The following VANGL2 variants were observed in gnomAD, a reference collection of about 807,000 sequenced individuals.
VANGL2 encodes the protein VANGL planar cell polarity protein 2.
In VANGL2, 14 loss-of-function variants were observed where a neutral mutation model predicts 50.2. That is an observed-to-expected ratio of 0.28 (90% CI 0.18 to 0.44). The LOEUF (loss-of-function observed/expected upper bound fraction) is 0.44. Among genes scored for constraint, VANGL2 ranks in the 20% least tolerant of loss-of-function variants. The pLI, the probability that VANGL2 is intolerant of heterozygous loss-of-function variation, is 1.00. For missense variants in VANGL2, 533 were observed against 701.5 expected, an observed-to-expected ratio of 0.76 and a Z score of 2.71; for synonymous variants, 295 against 297.2, an observed-to-expected ratio of 0.99 and a Z score of 0.08.
At chr1:160,403,072 A>G (rs1650533599) in intron 1 of VANGL2, among the ~76,000 whole-genome samples, 1 of 152,086 alleles carries the variant, frequency 6.6e-6, no homozygotes, top group African/African-American at 2.4e-5. Context: ...CCTGGAGATA[A>G]GAGTAGTAGG....
Position 160,419,117 on chromosome 1 carries a change from G to T in VANGL2, c.308G>T (p.Cys103Phe), listed in dbSNP as rs757320101. Residue 103 changes from cysteine (C) to phenylalanine (F), a missense_variant, in exon 4 of 8, where the codon TGC becomes TTC. Cys to Phe is a radical substitution (Grantham distance 205). Coordinates refer to ENST00000368061, the MANE Select transcript of VANGL2 (RefSeq NM_020335.3). The surrounding 1 kb of genome is among the most constrained non-coding windows in gnomAD (Gnocchi z 5.8). Reference protein sequence around the residue: ...KDMEDSVPLDCSRHLGVAAGA... With the variant: ...KDMEDSVPLDFSRHLGVAAGA... ...ATGGAGGACAGTGTCCCTCTGGACTGCTCCCGTCACCTGGGTGTGGCAGCG... is the reference window on the plus strand; with the variant it reads ...ATGGAGGACAGTGTCCCTCTGGACTTCTCCCGTCACCTGGGTGTGGCAGCG... 3.2e-5 allele frequency: 52 copies of T among 1,614,096 alleles called. No homozygotes were observed. Among genetic ancestry groups the T allele is most frequent in the Non-Finnish European group, 4.0e-5 (47 of 1,180,042 alleles).
At position 160,425,436 on chromosome 1, in the gene VANGL2, G is replaced by GC; in HGVS notation, c.*59dup. On this transcript the variant is annotated 3_prime_UTR_variant, in exon 8 of 8. Coordinates refer to ENST00000368061, the MANE Select transcript of VANGL2 (RefSeq NM_020335.3). ...GGGGGTCCTGAGGGGGTGGGAGGGG[G>GC]CTTGGTTCTCAGGCCCAGCCACATT... The GC allele has an allele frequency of 9.8e-7, 1 of 1,019,260 alleles. No homozygotes were observed. The highest frequency in any genetic ancestry group is 1.4e-6 in the Non-Finnish European group (1 of 731,014). The allele number at this position is 1,019,260 out of a possible 1,614,324, so 63.1% of individuals were successfully genotyped here.
rs1368808665 is a variant in VANGL2 at position 160,421,136 on chromosome 1, A to T, written c.1022A>T (p.Tyr341Phe). 6.2e-7 allele frequency: 1 copy of T among 1,613,964 alleles called. No homozygotes were observed. The highest frequency in any genetic ancestry group is 8.5e-7 in the Non-Finnish European group (1 of 1,180,036). Residue 341 changes from tyrosine (Y) to phenylalanine (F), a missense_variant, in exon 6 of 8, where the codon TAC (tyrosine) becomes TTC (phenylalanine). By Grantham distance (22) the Tyr-to-Phe change is conservative. Transcript: ENST00000368061. ...ARRRDNSHNE[Y>F]YYEEAEHERR... ...AGGCGGGACAACAGTCACAATGAGT[A>T]CTACTATGAGGAGGCTGAGCATGAG...
chr1:160,424,995 T>C (rs1651401148), intron 7 of VANGL2, 123 bp from the exon 8 acceptor site: 2 of 1,352,796 alleles, frequency 1.5e-6, no homozygotes, highest in Non-Finnish European at 2.1e-6. Context: ...TCTGAGGTTC[T>C]AGTTCATATG....
At position 160,419,253 on chromosome 1, in the gene VANGL2, C is replaced by A. The variant is rs563261116; in HGVS notation, c.444C>A (p.Leu148=). 1 of 1,608,390 alleles carries A rather than the reference C, an allele frequency of 6.2e-7. No homozygotes were observed. The highest frequency in any genetic ancestry group is 8.5e-7 in the Non-Finnish European group (1 of 1,180,004). ...CTTGCGGGACGGCCTGCGAGGGCCTCTTCATCTCTGTCGCCTTCAAGCTGC... is the reference window on the plus strand; with the variant it reads ...CTTGCGGGACGGCCTGCGAGGGCCTATTCATCTCTGTCGCCTTCAAGCTGC... ...LEPCGTACEG[L]FISVAFKLLI... The change falls in exon 4 of 8, where the codon CTC becomes CTA. Residue 148 remains leucine (L), a synonymous_variant. Transcript: ENST00000368061. The surrounding 1 kb of genome is among the most constrained non-coding windows in gnomAD (Gnocchi z 5.8).
At chr1:160,402,808 CTCA>C (rs1183136158) in intron 1 of VANGL2, among the ~76,000 whole-genome samples, 1 of 152,032 alleles carries the variant, frequency 6.6e-6, no homozygotes, top group Non-Finnish European at 1.5e-5. Flanking sequence ...CCTGTCCTCT[CTCA>C]TCCTTTCTCT....
chr1:160,424,101 G>A lies in VANGL2; in HGVS notation c.1123G>A (p.Glu375Lys). Residue 375 changes from glutamate (E) to lysine (K), a missense_variant, in exon 7 of 8, where the codon GAA becomes AAA. Glu to Lys is a moderately conservative substitution (Grantham distance 56). Coordinates refer to ENST00000368061, the MANE Select transcript of VANGL2 (RefSeq NM_020335.3). ...EAFTHIKRLQ[E>K]EEQKNPREVM... ...CTTCACTCACATTAAGCGGCTGCAGGAAGAGGAGCAGAAAAACCCCAGGGA... is the reference window on the plus strand; with the variant it reads ...CTTCACTCACATTAAGCGGCTGCAGAAAGAGGAGCAGAAAAACCCCAGGGA... The A allele has an allele frequency of 6.2e-7, 1 of 1,614,140 alleles. No homozygotes were observed. Among genetic ancestry groups the A allele is most frequent in the Middle Eastern group, 1.6e-4 (1 of 6,062 alleles).
At chr1:160,424,721 G>A (rs1015114820) in intron 7 of VANGL2, among the ~76,000 whole-genome samples, 2 of 152,124 alleles carry the variant, frequency 1.3e-5, no homozygotes, top group Non-Finnish European at 2.9e-5. Flanking sequence ...TAAAGATGTT[G>A]CACTTTAACC....
chr1:160,408,314 G>A (rs1462546546), intron 1 of VANGL2, among the ~76,000 whole-genome samples: 1 of 152,024 alleles, frequency 6.6e-6, no homozygotes, highest in Non-Finnish European at 1.5e-5. Context: ...TGGGTATTTT[G>A]GTGTGTTTGC....
chr1:160,422,639 G>T (rs573520827), intron 6 of VANGL2, among the ~76,000 whole-genome samples: 2 of 152,136 alleles, frequency 1.3e-5, no homozygotes, highest in Non-Finnish European at 2.9e-5. Context: ...AGGCCAGGGG[G>T]CTTTTATTTT....
intron 1 of VANGL2, among the ~76,000 whole-genome samples, chr1:160,410,928 C>T (rs1002541671): frequency 6.6e-6 from 1 of 152,018 alleles, no homozygotes; most frequent in Non-Finnish European, 1.5e-5. Flanking sequence ...TTCCAGGACC[C>T]GGCTGCCATC....
chr1:160,427,420 A>G lies in VANGL2; in HGVS notation c.*2042A>G, dbSNP rs1352111988. On this transcript the variant is annotated 3_prime_UTR_variant, in exon 8 of 8. Coordinates refer to ENST00000368061, the MANE Select transcript of VANGL2 (RefSeq NM_020335.3). ...TTAAGATCCTGCCATGTTTTTAATCACTGTGATTTTTTTTTCATTCCCCTT... is the reference window on the plus strand; with the variant it reads ...TTAAGATCCTGCCATGTTTTTAATCGCTGTGATTTTTTTTTCATTCCCCTT... The G allele has an allele frequency of 6.6e-6, 1 of 151,068 alleles. No homozygotes were observed. Among genetic ancestry groups the G allele is most frequent in the Admixed American group, 6.6e-5 (1 of 15,144 alleles). The allele number at this position is 151,068 out of a possible 1,614,324, so 9.4% of individuals were successfully genotyped here. A position where few individuals can be genotyped will look rare whatever the true frequency, so the allele number is the denominator to read the frequency against.
At chr1:160,421,255 A>G (rs1651264665) in intron 6 of VANGL2, 68 bp downstream of exon 6, 1 of 1,586,660 alleles carries the variant, frequency 6.3e-7, no homozygotes, top group African/African-American at 1.3e-5. Context: ...AGACCAAGGA[A>G]CTTCTGTAAC....
At chr1:160,410,535 G>A (rs921528410) in intron 1 of VANGL2, among the ~76,000 whole-genome samples, 3 of 152,080 alleles carry the variant, frequency 2.0e-5, no homozygotes, top group Admixed American at 6.5e-5. Context: ...TCTGGTCATC[G>A]GCCCCCAGCA....
At chr1:160,406,203 C>G (rs977213308) in intron 1 of VANGL2, among the ~76,000 whole-genome samples, 1 of 152,238 alleles carries the variant, frequency 6.6e-6, no homozygotes, top group Non-Finnish European at 1.5e-5. Flanking sequence ...AAGGCTGTGC[C>G]AGGTCTGACT....
In VANGL2 at chr1:160,420,557, C is replaced by T. The variant is rs774364261; in HGVS notation, c.937+10C>T. 1 of 1,614,130 alleles carries T rather than the reference C, an allele frequency of 6.2e-7. No individual in the cohort carries two copies. Among genetic ancestry groups the T allele is most frequent in the Admixed American group, 1.7e-5 (1 of 60,024 alleles). On this transcript the variant is annotated intron_variant, in intron 5 of 7. Transcript: ENST00000368061. ...TATTCCCTCGGAGAGGGTGAGCAGC[C>T]CTGCTCCTCTGCCCTTCCCTGTCTC...
rs1029383592 is a variant in VANGL2, at chr1:160,416,322, C to T, written c.192+140C>T. 22 of 1,404,300 alleles carry T rather than the reference C, an allele frequency of 1.6e-5. No homozygotes were observed. The African/African-American group carries it at 2.7e-4, about 17-fold the overall frequency. 87.0% of individuals were successfully genotyped at this position (1,404,300 alleles called of 1,614,324 possible). ...ATCGGGGAGTGTGTTTTGTGTTACA[C>T]TTAGCTTGGCTTAGTGTCTTAAGGT... is the stretch of plus-strand genomic sequence containing the variant. On this transcript the variant is annotated intron_variant, in intron 3 of 7. Coordinates refer to ENST00000368061, the MANE Select transcript of VANGL2 (RefSeq NM_020335.3).
intron 5 of VANGL2, 54 bp from the exon 6 acceptor site, chr1:160,420,998 G>T: frequency 6.2e-7 from 1 of 1,611,250 alleles, no homozygotes; most frequent in Non-Finnish European, 8.5e-7. Context: ...TCCTGGAGTG[G>T]GAAGAGAGGC....
At position 160,424,121 on chromosome 1, in the gene VANGL2, C is replaced by T. The variant is rs772429894; in HGVS notation, c.1143C>T (p.Pro381=). 15 of 1,614,010 alleles carry T rather than the reference C, an allele frequency of 9.3e-6. No homozygotes were observed. The African/African-American group carries it at 1.2e-4, about 13-fold the overall frequency. ...TGCAGGAAGAGGAGCAGAAAAACCC[C>T]AGGGAGGTGATGGACCCCCGGGAGG... ...KRLQEEEQKN[P]REVMDPREAA... The change falls in exon 7 of 8, where the codon CCC becomes CCT. Residue 381 remains proline (P), a synonymous_variant. Transcript: ENST00000368061.
Sources: allele counts gnomAD v4.1 joint callset (sites outside exome capture counted in the v4.1 genomes callset), GRCh38; gene constraint gnomAD v4.1.1; non-coding constraint Gnocchi (gnomAD v3.1); transcripts MANE v1.5; gene names NCBI Gene and HGNC (gene_info 2026-07-23, HGNC 2026-07-21).